Variants in NFIL3 observed in about 807,000 individuals in gnomAD.
The protein encoded by NFIL3 is nuclear factor interleukin-3-regulated protein.
Under a neutral mutation model 10.0 loss-of-function variants are expected in NFIL3, and 5 were observed. The observed-to-expected ratio is 0.50, with a 90% confidence interval of 0.26 to 1.06. The LOEUF is 1.06. NFIL3 is among the 50% of genes least tolerant of loss of function. The probability of loss-of-function intolerance (pLI) is 0.13; values close to 1 mark genes in which losing one functional copy is unlikely to be tolerated. For missense variants in NFIL3, 436 were observed against 547.6 expected, an observed-to-expected ratio of 0.80 and a Z score of 2.03; for synonymous variants, 202 against 206.5, an observed-to-expected ratio of 0.98 and a Z score of 0.19.
At chr9:91,453,046 C>T in the NFIL3 span, among the ~76,000 whole-genome samples, 1 of 152,054 alleles carries the variant, frequency 6.6e-6, no homozygotes, top group Non-Finnish European at 1.5e-5. Context: ...AATTTACTTT[C>T]TCACAATTCT....
chr9:91,418,475 A>G (rs1211321634), intron 1 of NFIL3, among the ~76,000 whole-genome samples: 1 of 152,218 alleles, frequency 6.6e-6, no homozygotes, highest in African/African-American at 2.4e-5. Flanking sequence ...AAAATTCTTG[A>G]AAGTTTCTAA....
chr9:91,438,938 A>G, the NFIL3 span, among the ~76,000 whole-genome samples: 1 of 152,222 alleles, frequency 6.6e-6, no homozygotes, highest in African/African-American at 2.4e-5. Context: ...GCTTTGCAAT[A>G]TAATTTAAGA....
rs1335756572 is a variant in NFIL3, at chr9:91,410,409, C to G, written c.326G>C (p.Gly109Ala). 1 of 1,613,744 alleles carries G rather than the reference C, an allele frequency of 6.2e-7. No homozygotes were observed. Among genetic ancestry groups the G allele is most frequent in the Admixed American group, 1.7e-5 (1 of 59,922 alleles). Residue 109 changes from glycine (G) to alanine (A), a missense_variant, in exon 2 of 2, where the codon GGA becomes GCA. Physicochemically the swap from Gly to Ala is moderately conservative, Grantham distance 60 (BLOSUM62 0). Transcript: ENST00000297689. This position sits in a 1 kb window ranked among gnomAD's most constrained non-coding sequence, Gnocchi z 5.7. ...AGCTTTTAAAGTGGCGTTTTCTTCT[C>G]CCAGTGCAATTAGTTTGTTCTCTAA... ...LVLENKLIAL[G>A]EENATLKAEL...
the NFIL3 span, among the ~76,000 whole-genome samples, chr9:91,431,421 C>G: frequency 6.6e-6 from 1 of 152,114 alleles, no homozygotes; most frequent in African/African-American, 2.4e-5. Flanking sequence ...AAATACTGCT[C>G]AAACACCACA....
At chr9:91,477,183 G>A in the NFIL3 span, among the ~76,000 whole-genome samples, 1 of 152,104 alleles carries the variant, frequency 6.6e-6, no homozygotes, top group Non-Finnish European at 1.5e-5. Flanking sequence ...GGAGAGTCAG[G>A]GAAAACCCAC....
the NFIL3 span, among the ~76,000 whole-genome samples, chr9:91,431,223 T>C: frequency 6.6e-5 from 10 of 152,238 alleles, no homozygotes; most frequent in South Asian, 2.1e-4. Flanking sequence ...ATGCTTTTTT[T>C]CCCCCAAATG....
the NFIL3 span, among the ~76,000 whole-genome samples, chr9:91,455,669 G>A: frequency 1.5e-4 from 23 of 152,156 alleles, no homozygotes; most frequent in African/African-American, 5.5e-4. Flanking sequence ...TTGAATAATT[G>A]GTACATGATA....
chr9:91,435,210 C>A, the NFIL3 span, among the ~76,000 whole-genome samples: 1 of 152,148 alleles, frequency 6.6e-6, no homozygotes, highest in African/African-American at 2.4e-5. Flanking sequence ...TCTAAATGAT[C>A]AGAACCCAGA....
In NFIL3 at chr9:91,409,289, GA is replaced by G. The variant is rs1419037078; in HGVS notation, c.*56del. The stretch of plus-strand genomic sequence containing the variant: ...TGAAAATTCAGCATAATACAAAATG[GA>G]CTGCTCTATTGCAAATGACATCTTT... On this transcript the variant is annotated 3_prime_UTR_variant, in exon 2 of 2. Coordinates refer to ENST00000297689, the MANE Select transcript of NFIL3 (RefSeq NM_005384.3). 2 of 1,470,950 alleles carry G rather than the reference GA, an allele frequency of 1.4e-6. No individual in the cohort carries two copies. Among genetic ancestry groups the G allele is most frequent in the African/African-American group, 2.8e-5 (2 of 70,756 alleles). 91.1% of individuals were successfully genotyped at this position (1,470,950 alleles called of 1,614,324 possible).
chr9:91,438,443 T>C, the NFIL3 span, among the ~76,000 whole-genome samples: 2 of 152,090 alleles, frequency 1.3e-5, no homozygotes, highest in African/African-American at 2.4e-5. Flanking sequence ...CAATTTTTTT[T>C]CCCAATTCAT....
At chr9:91,478,815 G>T in the NFIL3 span, among the ~76,000 whole-genome samples, 3 of 152,060 alleles carry the variant, frequency 2.0e-5, no homozygotes, top group Non-Finnish European at 4.4e-5. Context: ...GGTGACCTTC[G>T]GATGGGGTTT....
intron 1 of NFIL3, among the ~76,000 whole-genome samples, chr9:91,420,262 G>A (rs1194702861): frequency 6.6e-6 from 1 of 151,408 alleles, no homozygotes; most frequent in Non-Finnish European, 1.5e-5. Flanking sequence ...AACAAAAAAA[G>A]TATCTCAAGA....
the NFIL3 span, among the ~76,000 whole-genome samples, chr9:91,447,467 C>G: frequency 2.0e-5 from 3 of 152,190 alleles, no homozygotes; most frequent in Non-Finnish European, 1.5e-5. Flanking sequence ...ACAAGAGTTC[C>G]AATTTCTCCA....
the NFIL3 span, among the ~76,000 whole-genome samples, chr9:91,447,825 GT>G: frequency 6.6e-6 from 1 of 152,204 alleles, no homozygotes; most frequent in South Asian, 2.1e-4. Flanking sequence ...ATGCACAAAA[GT>G]TTTTAATTTT....
At chr9:91,460,729 G>A in the NFIL3 span, among the ~76,000 whole-genome samples, 1 of 152,118 alleles carries the variant, frequency 6.6e-6, no homozygotes, top group African/African-American at 2.4e-5. Context: ...CACATTTAGA[G>A]CCTAGCAAGC....
the NFIL3 span, among the ~76,000 whole-genome samples, chr9:91,471,232 A>C: frequency 6.6e-6 from 1 of 152,208 alleles, no homozygotes; most frequent in South Asian, 2.1e-4. Flanking sequence ...TATTTAGGAT[A>C]GTTAGCTCTT....
At chr9:91,449,997 T>A in the NFIL3 span, among the ~76,000 whole-genome samples, 1 of 152,136 alleles carries the variant, frequency 6.6e-6, no homozygotes. Context: ...CATACAATTG[T>A]TCATACTATT....
At chr9:91,460,279 T>TTTTTTTTTTTTTTTTTG in the NFIL3 span, among the ~76,000 whole-genome samples, 1 of 124,744 alleles carries the variant, frequency 8.0e-6, no homozygotes, top group Non-Finnish European at 1.6e-5. Flanking sequence ...TTCTTTTTTT[T>TTTTTTTTTTTTTTTTTG]TTTTTTTTTT....
chr9:91,427,293 T>A (rs1833881918), upstream of NFIL3: 1 of 152,208 alleles, frequency 6.6e-6, no homozygotes, highest in African/African-American at 2.4e-5. Context: ...GTCCTCTGAG[T>A]TCTACAGAGA....
Sources: gnomAD v4.1 joint callset for allele counts (sites outside exome capture counted in the v4.1 genomes callset) on GRCh38, gnomAD v4.1.1 for gene constraint, Gnocchi (gnomAD v3.1) non-coding constraint, MANE v1.5 for transcripts, NCBI Gene and HGNC (gene_info 2026-07-23, HGNC 2026-07-21) for gene names.